Variants in NXPH2 observed in about 807,000 individuals in gnomAD.
The protein encoded by NXPH2 is neurexophilin 2, also known as neurexophilin-2.
In NXPH2, 5 loss-of-function variants were observed where a neutral mutation model predicts 19.8. The observed-to-expected ratio is 0.25, with a 90% CI of 0.13 to 0.53. The LOEUF (loss-of-function observed/expected upper bound fraction) is 0.53. NXPH2 is among the 20% of genes least tolerant of loss of function. The pLI is 0.96. For synonymous variants in NXPH2, 154 were observed against 127.4 expected, an observed-to-expected ratio of 1.21 and a Z score of -1.41; for missense variants, 289 against 322.8, an observed-to-expected ratio of 0.90 and a Z score of 0.80.
Position 138,670,132 on chromosome 2 carries a change from TG to T in NXPH2, c.*789del, listed in dbSNP as rs547469474. ...TAAGCTATAGGATGCATACAAATTT[TG>T]TCATTTTTTGATTAATTCCACAGCA... On this transcript the variant is annotated 3_prime_UTR_variant, in exon 2 of 2. Transcript: ENST00000272641. 1.5e-4 allele frequency among the ~76,000 whole-genome samples: 23 copies of T among 152,214 alleles called. No individual in the cohort carries two copies. The highest frequency in any genetic ancestry group is 2.2e-4 in the African/African-American group (9 of 41,442).
chr2:138,671,397 T>G lies in NXPH2; in HGVS notation c.320A>C (p.Lys107Thr), dbSNP rs1573947692. 3 of 1,614,028 alleles carry G rather than the reference T, an allele frequency of 1.9e-6. No homozygotes were observed. The East Asian group carries it at 6.7e-5, about 36-fold the overall frequency. Residue 107 changes from lysine to threonine, a missense_variant, in exon 2 of 2, where the codon AAA (lysine) becomes ACA (threonine). Physicochemically the swap from Lys to Thr is moderately conservative, Grantham distance 78. Coordinates refer to ENST00000272641, the MANE Select transcript of NXPH2 (RefSeq NM_007226.3). ...TKRRPIVKTG[K>T]FKKMFGWGDF... Reference sequence around the variant, plus strand: ...ACCCCATCCAAACATTTTCTTAAATTTTCCTGTTTTTACTATTGGCCTCCG... The same window carrying G: ...ACCCCATCCAAACATTTTCTTAAATGTTCCTGTTTTTACTATTGGCCTCCG...
At chr2:138,719,045 G>C (rs916280715) in intron 1 of NXPH2, among the ~76,000 whole-genome samples, 1 of 152,144 alleles carries the variant, frequency 6.6e-6, no homozygotes, top group Non-Finnish European at 1.5e-5. Flanking sequence ...ACTTGTTTAT[G>C]TTTATTCCTG....
At chr2:138,749,879 C>T (rs1681800524) in intron 1 of NXPH2, among the ~76,000 whole-genome samples, 1 of 152,054 alleles carries the variant, frequency 6.6e-6, no homozygotes, top group Non-Finnish European at 1.5e-5. Flanking sequence ...CTGTATAAAA[C>T]AGAGTGTGTC....
intron 1 of NXPH2, among the ~76,000 whole-genome samples, chr2:138,769,132 A>C (rs150334821): frequency 1.1e-4 from 16 of 152,314 alleles, no homozygotes; most frequent in Non-Finnish European, 1.6e-4. Context: ...TGGTATAGTA[A>C]ATCAAAGGAG....
chr2:138,726,673 G>T (rs1257437005), intron 1 of NXPH2, among the ~76,000 whole-genome samples: 2 of 151,906 alleles, frequency 1.3e-5, no homozygotes, highest in African/African-American at 4.8e-5. Context: ...GCAAAATTGA[G>T]CAGCAAGCAC....
intron 1 of NXPH2, among the ~76,000 whole-genome samples, chr2:138,673,339 C>T (rs1680438913): frequency 6.6e-6 from 1 of 152,110 alleles, no homozygotes; most frequent in South Asian, 2.1e-4. Flanking sequence ...ATTTCTGATA[C>T]TGTAACTACA....
chr2:138,746,815 C>A (rs914830701), intron 1 of NXPH2, among the ~76,000 whole-genome samples: 1 of 152,126 alleles, frequency 6.6e-6, no homozygotes, highest in East Asian at 1.9e-4. Flanking sequence ...GTTCCCACTG[C>A]CACCACATAC....
intron 1 of NXPH2, among the ~76,000 whole-genome samples, chr2:138,754,415 G>C (rs901664722): frequency 1.3e-5 from 2 of 152,086 alleles, no homozygotes; most frequent in African/African-American, 4.8e-5. Context: ...TTTCCAGAAT[G>C]TCACATAATT....
intron 1 of NXPH2, among the ~76,000 whole-genome samples, chr2:138,737,970 G>T (rs979411228): frequency 6.6e-6 from 1 of 151,638 alleles, no homozygotes; most frequent in South Asian, 2.1e-4. Flanking sequence ...ACAACGTGCA[G>T]GTTAGTTACA....
chr2:138,676,627 GT>G (rs1005471756), intron 1 of NXPH2, among the ~76,000 whole-genome samples: 1 of 152,152 alleles, frequency 6.6e-6, no homozygotes, highest in African/African-American at 2.4e-5. Context: ...CTCCTTTGCT[GT>G]TTGGCTGTAA....
chr2:138,749,101 G>A (rs1473063754), intron 1 of NXPH2, among the ~76,000 whole-genome samples: 1 of 152,110 alleles, frequency 6.6e-6, no homozygotes, highest in Non-Finnish European at 1.5e-5. Flanking sequence ...CTGGTGGGAG[G>A]TGACTAGATC....
rs1224712937 is a variant in NXPH2, at chr2:138,728,967, A to T, written c.51+51224T>A. Among the ~76,000 whole-genome samples, 3 of 152,174 alleles carry T rather than the reference A, an allele frequency of 2.0e-5. No individual in the cohort carries two copies. The East Asian group carries it at 5.8e-4, about 29-fold the overall frequency. On this transcript the variant is annotated intron_variant, in intron 1 of 1. Transcript: ENST00000272641. ...TAAACCTTAATAAGGTCTCTTAGGA[A>T]TCTAATCAATTTTCTAGGGTCAAAT... is the stretch of plus-strand genomic sequence containing the variant.
chr2:138,769,612 AGGACACT>A (rs1682144857), intron 1 of NXPH2, among the ~76,000 whole-genome samples: 8 of 152,210 alleles, frequency 5.3e-5, no homozygotes, highest in Admixed American at 4.6e-4. Flanking sequence ...ACACGCAGGC[AGGACACT>A]GAAGTTTTTT....
At chr2:138,721,620 A>G (rs997889838) in intron 1 of NXPH2, among the ~76,000 whole-genome samples, 1 of 152,128 alleles carries the variant, frequency 6.6e-6, no homozygotes, top group Non-Finnish European at 1.5e-5. Flanking sequence ...TTAAGTCACA[A>G]TGGAAGAGAT....
intron 1 of NXPH2, among the ~76,000 whole-genome samples, chr2:138,688,539 A>G (rs1025899007): frequency 2.6e-5 from 4 of 152,134 alleles, no homozygotes; most frequent in African/African-American, 9.7e-5. Flanking sequence ...CAGTGGTTAC[A>G]AACTCAGCAG....
rs78384419 is a variant in NXPH2, at chr2:138,756,551, A to G, written c.51+23640T>C. The stretch of plus-strand genomic sequence containing the variant: ...TTTACTTAATCTTTCAAAAGTGTTT[A>G]ACTGAATTTTTATGAAAGAAAATCT... On this transcript the variant is annotated intron_variant, in intron 1 of 1. Transcript: ENST00000272641. Among the ~76,000 whole-genome samples, 2,461 of 151,998 alleles carry G rather than the reference A, an allele frequency of 0.016. 163 individuals are homozygous for G. The East Asian group carries it at 0.16, about 10-fold the overall frequency.
intron 1 of NXPH2, among the ~76,000 whole-genome samples, chr2:138,755,202 G>C (rs1255142697): frequency 6.6e-6 from 1 of 151,896 alleles, no homozygotes; most frequent in Non-Finnish European, 1.5e-5. Flanking sequence ...TTACAATAAG[G>C]TTCAAGCTGT....
chr2:138,780,317 G>C lies in NXPH2; in HGVS notation c.-76C>G. 1 of 1,198,504 alleles carries C rather than the reference G, an allele frequency of 8.3e-7. No individual in the cohort carries two copies. Among genetic ancestry groups the C allele is most frequent in the Non-Finnish European group, 1.1e-6 (1 of 920,846 alleles). 74.2% of individuals were successfully genotyped at this position (1,198,504 alleles called of 1,614,324 possible). ...CGCGCATCTCCACTTCGCGGGGCAG[G>C]ACTGAGGACGCCAGGGACACAGCGC... is the stretch of plus-strand genomic sequence containing the variant. On this transcript the variant is annotated 5_prime_UTR_variant, in exon 1 of 2. Transcript: ENST00000272641.
At chr2:138,755,200 A>G (rs1211375188) in intron 1 of NXPH2, among the ~76,000 whole-genome samples, 2 of 152,084 alleles carry the variant, frequency 1.3e-5, no homozygotes, top group African/African-American at 4.8e-5. Flanking sequence ...AATTACAATA[A>G]GGTTCAAGCT....
Sources: gnomAD v4.1 joint callset for allele counts (sites outside exome capture counted in the v4.1 genomes callset) on GRCh38, gnomAD v4.1.1 for gene constraint, MANE v1.5 for transcripts, NCBI Gene and HGNC (gene_info 2026-07-23, HGNC 2026-07-21) for gene names.